CTNNA2: variants seen among roughly 807,000 people sequenced by gnomAD.
The protein encoded by CTNNA2 is catenin alpha-2.
A neutral mutation model predicts 101.0 loss-of-function variants in CTNNA2; 42 were observed. The ratio of observed to expected loss-of-function variants is 0.42; its 90% CI spans 0.32 to 0.54. CTNNA2 has a LOEUF of 0.54. CTNNA2 is among the 20% of genes least tolerant of loss of function. The probability of loss-of-function intolerance (pLI) is 0.14; values close to 1 mark genes in which losing one functional copy is unlikely to be tolerated. For missense variants in CTNNA2, 871 were observed against 1,223.1 expected, an observed-to-expected ratio of 0.71 and a Z score of 4.29; for synonymous variants, 450 against 456.4, an observed-to-expected ratio of 0.99 and a Z score of 0.18.
intron 1 of CTNNA2, among the ~76,000 whole-genome samples, chr2:79,536,400 C>T (rs1673063766): frequency 1.3e-5 from 2 of 152,098 alleles, no homozygotes; most frequent in African/African-American, 4.8e-5. Context: ...TAATAGTGTA[C>T]AGCTTCATAA....
chr2:79,278,364 C>T (rs2104323705), intron 2 of CTNNA2, among the ~76,000 whole-genome samples: 1 of 152,096 alleles, frequency 6.6e-6, no homozygotes, highest in Middle Eastern at 3.4e-3. Context: ...CGAGCATGGT[C>T]ACTATTTTAG....
At chr2:80,086,391 G>A (rs61677068) in intron 7 of CTNNA2, among the ~76,000 whole-genome samples, 26,161 of 151,932 alleles carry the variant, frequency 0.17, 3,359 homozygotes, top group African/African-American at 0.35. Context: ...AAAGTGAAAT[G>A]CACCAAGATA....
chr2:80,232,136 G>A (rs1310758451), intron 7 of CTNNA2, among the ~76,000 whole-genome samples: 3 of 151,978 alleles, frequency 2.0e-5, no homozygotes, highest in Non-Finnish European at 4.4e-5. Flanking sequence ...TACCTTTCTG[G>A]ACCAAACCAA....
In CTNNA2 at chr2:79,555,856, A is replaced by G. The variant is rs572543139; in HGVS notation, c.-6+42649A>G. ...TGAGCTGAGTAAGTAAACAAATGTG[A>G]AAAATGTAAATATTGTTGTTGACAG... is the stretch of plus-strand genomic sequence containing the variant. On this transcript the variant is annotated intron_variant, in intron 1 of 18. Coordinates refer to ENST00000402739, the MANE Select transcript of CTNNA2 (RefSeq NM_001282597.3). 3.9e-5 allele frequency among the ~76,000 whole-genome samples: 6 copies of G among 152,248 alleles called. No individual in the cohort carries two copies. The South Asian group carries it at 1.2e-3, about 32-fold the overall frequency.
intron 2 of CTNNA2, among the ~76,000 whole-genome samples, chr2:79,268,674 T>A (rs1055350774): frequency 6.6e-6 from 1 of 152,078 alleles, no homozygotes; most frequent in African/African-American, 2.4e-5. Context: ...CAGCAGCTAG[T>A]GTCAGTTGAA....
chr2:79,407,454 T>G (rs1203274544), intron 4 of CTNNA2, among the ~76,000 whole-genome samples: 3 of 151,838 alleles, frequency 2.0e-5, no homozygotes, highest in African/African-American at 7.3e-5. Flanking sequence ...TTTTTTTCTC[T>G]CCCCATATGC....
chr2:80,545,163 C>G, intron 10 of CTNNA2, 89 bp downstream of exon 10: 1 of 1,278,822 alleles, frequency 7.8e-7, no homozygotes, highest in South Asian at 1.4e-5. Flanking sequence ...TCTATTTCCT[C>G]TTGCTGAAAA....
chr2:80,382,822 G>A lies in CTNNA2; in HGVS notation c.1057-10389G>A, dbSNP rs1360762657. 2.0e-5 allele frequency among the ~76,000 whole-genome samples: 3 copies of A among 152,344 alleles called. No homozygotes were observed. The East Asian group carries it at 5.8e-4, about 29-fold the overall frequency. On this transcript the variant is annotated intron_variant, in intron 7 of 18. Transcript: ENST00000402739. The stretch of plus-strand genomic sequence containing the variant: ...AGACTCTAGGGATTCTTTAGGTGTT[G>A]AAAGCTTTAACAGTAGCTGAGTGGT...
intron 7 of CTNNA2, among the ~76,000 whole-genome samples, chr2:79,973,051 G>T (rs539533769): frequency 2.4e-4 from 36 of 152,000 alleles, no homozygotes; most frequent in Non-Finnish European, 5.0e-4. Context: ...AGGCCATGCA[G>T]CAACTTCATT....
At chr2:79,387,724 C>T (rs193137158) in intron 4 of CTNNA2, among the ~76,000 whole-genome samples, 3 of 151,998 alleles carry the variant, frequency 2.0e-5, no homozygotes, top group South Asian at 4.1e-4. Context: ...CAAAACCTGG[C>T]GGCAGAGCTC....
intron 4 of CTNNA2, among the ~76,000 whole-genome samples, chr2:79,426,021 T>G (rs1321983407): frequency 6.6e-6 from 1 of 152,150 alleles, no homozygotes; most frequent in African/African-American, 2.4e-5. Flanking sequence ...ATATAAAAGT[T>G]GTAGGATTGG....
chr2:79,478,350 A>G (rs1558677078), intron 4 of CTNNA2, among the ~76,000 whole-genome samples: 1 of 152,178 alleles, frequency 6.6e-6, no homozygotes, highest in Non-Finnish European at 1.5e-5. Context: ...GTAGCTTAGA[A>G]TGGAATTTCT....
chr2:79,664,700 T>G (rs1008517278), intron 2 of CTNNA2, among the ~76,000 whole-genome samples: 1 of 140,648 alleles, frequency 7.1e-6, no homozygotes, highest in African/African-American at 2.7e-5. Flanking sequence ...AGAATTCACA[T>G]TCTTCTTTTT....
chr2:79,267,027 G>A (rs918467366), intron 2 of CTNNA2, among the ~76,000 whole-genome samples: 9 of 152,012 alleles, frequency 5.9e-5, no homozygotes, highest in African/African-American at 4.8e-5. Flanking sequence ...AGCAAGTCTC[G>A]TATGCTAAAG....
At chr2:79,266,150 AT>A (rs1674983877) in intron 2 of CTNNA2, among the ~76,000 whole-genome samples, 1 of 152,140 alleles carries the variant, frequency 6.6e-6, no homozygotes, top group African/African-American at 2.4e-5. Flanking sequence ...GCTTTGGGGC[AT>A]TCTGGCCTGA....
chr2:79,928,721 A>G (rs1687194878), intron 7 of CTNNA2, among the ~76,000 whole-genome samples: 1 of 152,152 alleles, frequency 6.6e-6, no homozygotes, highest in East Asian at 1.9e-4. Flanking sequence ...AGCTTCATGT[A>G]TATTCATACT....
At chr2:79,863,886 A>AG (rs1365813384) in intron 4 of CTNNA2, among the ~76,000 whole-genome samples, 1 of 152,058 alleles carries the variant, frequency 6.6e-6, no homozygotes, top group African/African-American at 2.4e-5. Flanking sequence ...CTGTTCATGG[A>AG]GGGGTGTCTT....
chr2:80,011,752 A>G (rs1394068172), intron 7 of CTNNA2, among the ~76,000 whole-genome samples: 1 of 152,156 alleles, frequency 6.6e-6, no homozygotes, highest in Non-Finnish European at 1.5e-5. Flanking sequence ...TGTTTTTCCC[A>G]TATATGCTTT....
intron 1 of CTNNA2, among the ~76,000 whole-genome samples, chr2:79,187,133 T>C (rs527270470): frequency 2.0e-5 from 3 of 152,210 alleles, no homozygotes; most frequent in South Asian, 2.1e-4. Flanking sequence ...CCAAGAAATA[T>C]CCACATTTGT....
Sources: allele counts gnomAD v4.1 joint callset (sites outside exome capture counted in the v4.1 genomes callset), GRCh38; gene constraint gnomAD v4.1.1; transcripts MANE v1.5; gene names NCBI Gene and HGNC (gene_info 2026-07-23, HGNC 2026-07-21).